CCDC14: variants seen among roughly 807,000 people sequenced by gnomAD.
The protein encoded by CCDC14 is coiled-coil domain containing 14.
In CCDC14, 71 loss-of-function variants were observed where a neutral mutation model predicts 81.4. That is an observed-to-expected ratio of 0.87 (90% CI 0.72 to 1.06). The LOEUF is 1.06. Ranked by LOEUF, CCDC14 falls within the 50% of genes least tolerant of loss-of-function variation. The probability of loss-of-function intolerance (pLI) is 0.00; values close to 1 mark genes in which losing one functional copy is unlikely to be tolerated. For synonymous variants in CCDC14, 332 were observed against 364.8 expected, an observed-to-expected ratio of 0.91 and a Z score of 1.03; for missense variants, 1,046 against 1,047.3, an observed-to-expected ratio of 1.00 and a Z score of 0.02.
downstream of CCDC14, among the ~76,000 whole-genome samples, chr3:123,913,145 C>T (rs2034484911): frequency 1.3e-5 from 2 of 152,148 alleles, no homozygotes; most frequent in Non-Finnish European, 2.9e-5. Flanking sequence ...TGAAATTTAA[C>T]CAAATTATTG....
the CCDC14 span, among the ~76,000 whole-genome samples, chr3:123,892,049 G>A: frequency 2.0e-5 from 3 of 152,270 alleles, no homozygotes; most frequent in Non-Finnish European, 1.5e-5. Context: ...AAACCATCAG[G>A]TCTCGTGAGA....
chr3:123,943,971 G>C (rs1278253794), intron 9 of CCDC14, among the ~76,000 whole-genome samples: 1 of 152,140 alleles, frequency 6.6e-6, no homozygotes, highest in African/African-American at 2.4e-5. Context: ...GAGGTCAAGG[G>C]AACTTCGATT....
chr3:123,953,979 C>G (rs1373621458), intron 5 of CCDC14: 2 of 152,166 alleles, frequency 1.3e-5, no homozygotes, highest in Non-Finnish European at 1.5e-5. Flanking sequence ...AAAATTACCT[C>G]AATTTGAGTG....
At chr3:123,917,266 G>A (rs2034762200) in intron 12 of CCDC14, among the ~76,000 whole-genome samples, 1 of 151,450 alleles carries the variant, frequency 6.6e-6, no homozygotes, top group African/African-American at 2.4e-5. Context: ...GGCTGTGGCA[G>A]GCAGATCACC....
At chr3:123,888,329 C>A in the CCDC14 span, among the ~76,000 whole-genome samples, 1 of 151,910 alleles carries the variant, frequency 6.6e-6, no homozygotes, top group Non-Finnish European at 1.5e-5. Flanking sequence ...ATTTTGTTTT[C>A]TTGAACTTTT....
intron 5 of CCDC14, among the ~76,000 whole-genome samples, chr3:123,950,600 A>G (rs974234415): frequency 4.6e-5 from 7 of 152,290 alleles, no homozygotes; most frequent in African/African-American, 1.7e-4. Context: ...ATGGAAACAG[A>G]TGTCAGGAAA....
At chr3:123,915,936 A>C (rs1051046998) in intron 12 of CCDC14, among the ~76,000 whole-genome samples, 1 of 151,998 alleles carries the variant, frequency 6.6e-6, no homozygotes, top group Non-Finnish European at 1.5e-5. Flanking sequence ...TATCGAATCT[A>C]TCACTATGTC....
the CCDC14 span, among the ~76,000 whole-genome samples, chr3:123,891,241 T>C: frequency 6.6e-6 from 1 of 152,242 alleles, no homozygotes; most frequent in Admixed American, 6.5e-5. Flanking sequence ...GTCTCTGACA[T>C]GGCCTGGAGA....
At chr3:123,934,695 A>C (rs891226597) in intron 9 of CCDC14, among the ~76,000 whole-genome samples, 5 of 152,220 alleles carry the variant, frequency 3.3e-5, no homozygotes, top group African/African-American at 1.2e-4. Flanking sequence ...ACTTCTAAGA[A>C]GTTATCGCTT....
intron 5 of CCDC14, among the ~76,000 whole-genome samples, chr3:123,908,148 G>T (rs940721556): frequency 1.3e-5 from 2 of 152,020 alleles, no homozygotes; most frequent in African/African-American, 4.8e-5. Context: ...AAGGAAAGAA[G>T]GTAAAAAAGA....
chr3:123,961,054 T>A, intron 1 of CCDC14, 90 bp downstream of exon 1: 2 of 1,170,824 alleles, frequency 1.7e-6, no homozygotes, highest in Non-Finnish European at 2.4e-6. Context: ...CTTTGTCTTT[T>A]TTCGAGCAGA....
rs2332663 is a variant in CCDC14, at chr3:123,959,427, T to C, written c.30+1717A>G. On this transcript the variant is annotated intron_variant, in intron 1 of 12. Coordinates refer to ENST00000409697, the MANE Select transcript of CCDC14 (RefSeq NM_001366335.1). ...ATACCTGCTGGCCATCTGTACATTTTCTTTGGAGAAATGTCTATTCAAATC... is the reference window on the plus strand; with the variant it reads ...ATACCTGCTGGCCATCTGTACATTTCCTTTGGAGAAATGTCTATTCAAATC... Among the ~76,000 whole-genome samples the C allele has an allele frequency of 2.9e-3, 444 of 152,354 alleles. 2 individuals carry two copies. Among genetic ancestry groups the C allele is most frequent in the African/African-American group, 9.8e-3 (408 of 41,584 alleles).
In CCDC14 at chr3:123,914,021, A is replaced by G; in HGVS notation, c.*758T>C. 1 of 985,412 alleles carries G rather than the reference A, an allele frequency of 1.0e-6. No homozygotes were observed. The highest frequency in any genetic ancestry group is 1.2e-6 in the Non-Finnish European group (1 of 829,542). 61.0% of individuals were successfully genotyped at this position (985,412 alleles called of 1,614,324 possible). On this transcript the variant is annotated 3_prime_UTR_variant, in exon 13 of 13. Coordinates refer to ENST00000409697, the MANE Select transcript of CCDC14 (RefSeq NM_001366335.1). ...ATCAATGCCAAGATTTACAAATTCC[A>G]TCATGTTTAAATATAAGGACAAAAA... is the stretch of plus-strand genomic sequence containing the variant.
At chr3:123,939,233 A>C (rs2036216387) in intron 9 of CCDC14, among the ~76,000 whole-genome samples, 5 of 151,826 alleles carry the variant, frequency 3.3e-5, no homozygotes, top group Admixed American at 3.3e-4. Flanking sequence ...ATATTCTATG[A>C]TCCCCTGGCA....
rs571614126 is a variant in CCDC14 at position 123,947,268 on chromosome 3, A to G, written c.736T>C (p.Ser246Pro). ...CGTAGAACATCAGTACAGGTTGCAGAAACTGTTTTACCTTGTGATGCAAAC... is the reference window on the plus strand; with the variant it reads ...CGTAGAACATCAGTACAGGTTGCAGGAACTGTTTTACCTTGTGATGCAAAC... Reference protein sequence around the residue: ...SQFASQGKTVSATCTDVLRNS... With the variant: ...SQFASQGKTVPATCTDVLRNS... Residue 246 changes from serine (S) to proline (P), a missense_variant, in exon 8 of 13, where the codon TCT becomes CCT. Coordinates refer to ENST00000409697, the MANE Select transcript of CCDC14 (RefSeq NM_001366335.1). The G allele has an allele frequency of 6.2e-7, 1 of 1,613,792 alleles. No homozygotes were observed. The highest frequency in any genetic ancestry group is 1.1e-5 in the South Asian group (1 of 91,054).
chr3:123,901,252 A>T (rs2034171906), intron 5 of CCDC14, among the ~76,000 whole-genome samples: 1 of 152,096 alleles, frequency 6.6e-6, no homozygotes, highest in Non-Finnish European at 1.5e-5. Context: ...AAAATAAAAA[A>T]AAAAAGAAGA....
intron 5 of CCDC14, among the ~76,000 whole-genome samples, chr3:123,908,157 G>A (rs1036346640): frequency 2.0e-5 from 3 of 152,146 alleles, no homozygotes; most frequent in Non-Finnish European, 2.9e-5. Flanking sequence ...AGGTAAAAAA[G>A]AAAGAGCAAC....
the CCDC14 span, among the ~76,000 whole-genome samples, chr3:123,891,390 A>G: frequency 1.2e-4 from 18 of 152,282 alleles, no homozygotes; most frequent in South Asian, 2.1e-4. Flanking sequence ...CTGAACTTTT[A>G]TGCTCTGCCT....
At position 123,943,201 on chromosome 3, in the gene CCDC14, C is replaced by T. The variant is rs921393748; in HGVS notation, c.1343+1648G>A. ...AGTTCCTGGCTGTCAACACCCACAG[C>T]CCTTGTTATTTGTTAAGCAGTCAAA... On this transcript the variant is annotated intron_variant, in intron 9 of 12. Transcript: ENST00000409697. 6.6e-5 allele frequency among the ~76,000 whole-genome samples: 10 copies of T among 151,958 alleles called. No individual in the cohort carries two copies. In the East Asian group the frequency reaches 1.9e-3, roughly 29 times the overall value.
Sources: allele counts gnomAD v4.1 joint callset (sites outside exome capture counted in the v4.1 genomes callset), GRCh38; gene constraint gnomAD v4.1.1; transcripts MANE v1.5; gene names NCBI Gene and HGNC (gene_info 2026-07-23, HGNC 2026-07-21).